Variants in DCDC1 observed in about 807,000 individuals in gnomAD.
The protein encoded by DCDC1 is doublecortin domain containing 1, also known as doublecortin domain-containing protein 1.
Under a neutral mutation model 178.3 loss-of-function variants are expected in DCDC1, and 200 were observed. The observed-to-expected ratio is 1.12, with a 90% CI of 1.00 to 1.26. DCDC1 has a LOEUF of 1.26. Ranked by LOEUF, DCDC1 falls within the 50% of genes most tolerant of loss-of-function variation. The pLI is 0.00. For synonymous variants in DCDC1, 690 were observed against 604.8 expected (o/e 1.14, Z -2.07); for missense variants, 1,983 against 1,749.2 (o/e 1.13, Z -2.38).
At chr11:31,286,504 C>G (rs933681949) in intron 7 of DCDC1, among the ~76,000 whole-genome samples, 6 of 151,510 alleles carry the variant, frequency 4.0e-5, no homozygotes, top group African/African-American at 1.5e-4. Flanking sequence ...TCATTTTTAT[C>G]TATAAAAATC....
At chr11:31,216,743 C>T (rs1396733742) in intron 9 of DCDC1, among the ~76,000 whole-genome samples, 1 of 152,122 alleles carries the variant, frequency 6.6e-6, no homozygotes, top group Non-Finnish European at 1.5e-5. Flanking sequence ...TAGCTTTCCC[C>T]ATACAAGACA....
intron 3 of DCDC1, among the ~76,000 whole-genome samples, chr11:31,323,361 C>T (rs1949472148): frequency 6.6e-6 from 1 of 152,152 alleles, no homozygotes; most frequent in South Asian, 2.1e-4. Context: ...TTCGTGTTGC[C>T]TGTCAAAATG....
At chr11:31,157,642 A>T (rs1347887886) in intron 9 of DCDC1, among the ~76,000 whole-genome samples, 3 of 152,086 alleles carry the variant, frequency 2.0e-5, no homozygotes, top group Non-Finnish European at 4.4e-5. Context: ...AATCAAATTC[A>T]TAAAAAACAG....
At chr11:31,312,113 C>T (rs2137664084) in intron 3 of DCDC1, among the ~76,000 whole-genome samples, 1 of 152,232 alleles carries the variant, frequency 6.6e-6, no homozygotes, top group Non-Finnish European at 1.5e-5. Context: ...AAGGAGTCTT[C>T]TCTCAACAGT....
chr11:30,946,209 C>T (rs1948041813), intron 21 of DCDC1, among the ~76,000 whole-genome samples: 1 of 152,180 alleles, frequency 6.6e-6, no homozygotes, highest in Non-Finnish European at 1.5e-5. Context: ...TACTAGGCAA[C>T]CTGCTGGCAC....
intron 2 of DCDC1, among the ~76,000 whole-genome samples, chr11:31,329,767 C>A (rs1014913812): frequency 1.3e-5 from 2 of 152,126 alleles, no homozygotes; most frequent in Admixed American, 6.6e-5. Flanking sequence ...CCATGGTGTA[C>A]ATGTGCCACA....
chr11:31,333,305 C>T (rs1366306205), intron 2 of DCDC1, among the ~76,000 whole-genome samples: 1 of 152,142 alleles, frequency 6.6e-6, no homozygotes, highest in Non-Finnish European at 1.5e-5. Flanking sequence ...CTCCTGAATA[C>T]AGCACTGATG....
At chr11:30,876,230 G>C (rs1377237940) in intron 38 of DCDC1, among the ~76,000 whole-genome samples, 4 of 152,168 alleles carry the variant, frequency 2.6e-5, no homozygotes, top group African/African-American at 9.7e-5. Context: ...TTACATATAT[G>C]AGGCTGATTC....
At chr11:31,090,721 A>C (rs1484107947) in intron 17 of DCDC1, among the ~76,000 whole-genome samples, 1 of 152,210 alleles carries the variant, frequency 6.6e-6, no homozygotes, top group Admixed American at 6.5e-5. Flanking sequence ...TTGCAGCCTA[A>C]GCATATCCTA....
At chr11:31,209,389 A>G (rs1306457365) in intron 9 of DCDC1, among the ~76,000 whole-genome samples, 7 of 152,248 alleles carry the variant, frequency 4.6e-5, no homozygotes, top group Non-Finnish European at 7.3e-5. Context: ...AAGAGTTCAC[A>G]AAAGCCAGGG....
chr11:30,909,107 G>C lies in DCDC1; in HGVS notation c.3757C>G (p.Pro1253Ala). 1 of 1,604,132 alleles carries C rather than the reference G, an allele frequency of 6.2e-7. No homozygotes were observed. The highest frequency in any genetic ancestry group is 1.1e-5 in the South Asian group (1 of 90,000). Reference protein sequence around the residue: ...GYPVIVQKYKPYNNGAANQKW... With the variant: ...GYPVIVQKYKAYNNGAANQKW... ...TGATTGGCAGCTCCATTGTTGTACG[G>C]CTTATATTTCTGAAAAAAGAGGCAA... Residue 1253 changes from proline to alanine, a missense_variant, in exon 29 of 39, where the codon CCG becomes GCG. Transcript: ENST00000684477.
At chr11:31,014,766 C>T (rs80272102) in intron 20 of DCDC1, among the ~76,000 whole-genome samples, 2,107 of 152,188 alleles carry the variant, frequency 0.014, 51 homozygotes, top group African/African-American at 0.048. Context: ...AAGGCGTCCA[C>T]TCAGTGGTAT....
At chr11:30,927,819 T>C (rs1209993353) in intron 22 of DCDC1, among the ~76,000 whole-genome samples, 1 of 152,164 alleles carries the variant, frequency 6.6e-6, no homozygotes, top group Admixed American at 6.6e-5. Flanking sequence ...AGCATAATTT[T>C]CCTTAAACTC....
At chr11:31,288,287 C>A (rs1946982924) in intron 7 of DCDC1, among the ~76,000 whole-genome samples, 1 of 151,862 alleles carries the variant, frequency 6.6e-6, no homozygotes, top group Non-Finnish European at 1.5e-5. Context: ...GTATGTTTAG[C>A]CTATATCTTA....
chr11:31,197,642 G>A (rs1177056588), intron 9 of DCDC1, among the ~76,000 whole-genome samples: 1 of 152,038 alleles, frequency 6.6e-6, no homozygotes, highest in Non-Finnish European at 1.5e-5. Context: ...CCTTCTTAAT[G>A]TCTGCCATCT....
chr11:31,106,304 CTTTA>C (rs1279508026), intron 13 of DCDC1, among the ~76,000 whole-genome samples: 1 of 152,188 alleles, frequency 6.6e-6, no homozygotes, highest in East Asian at 1.9e-4. Flanking sequence ...AAGGTTAAGA[CTTTA>C]TTTGTGAAAA....
chr11:31,197,269 T>A lies in DCDC1; in HGVS notation c.1221+44181A>T, dbSNP rs76003885. On this transcript the variant is annotated intron_variant, in intron 9 of 38. Transcript: ENST00000684477. ...AAGTCCATAAAATATACTTCCTTAT[T>A]ATCACAACTATTGAGTCTCTTAAAG... 4.6e-5 allele frequency among the ~76,000 whole-genome samples: 7 copies of A among 152,196 alleles called. No individual in the cohort carries two copies. The East Asian group carries it at 1.2e-3, about 25-fold the overall frequency.
intron 1 of DCDC1, among the ~76,000 whole-genome samples, chr11:31,356,932 G>A (rs1176582531): frequency 2.6e-5 from 4 of 152,202 alleles, no homozygotes; most frequent in Non-Finnish European, 4.4e-5. Context: ...AGCTGAAATT[G>A]TGGCAATAAT....
intron 17 of DCDC1, among the ~76,000 whole-genome samples, chr11:31,088,115 A>C (rs1238472931): frequency 6.6e-6 from 1 of 152,062 alleles, no homozygotes; most frequent in African/African-American, 2.4e-5. Context: ...TTTATCTGAT[A>C]TTAATATATC....
Sources: allele counts gnomAD v4.1 joint callset (sites outside exome capture counted in the v4.1 genomes callset), GRCh38; gene constraint gnomAD v4.1.1; transcripts MANE v1.5; gene names NCBI Gene and HGNC (gene_info 2026-07-23, HGNC 2026-07-21).